The following DOCK1 variants were observed in gnomAD, a reference collection of about 807,000 sequenced individuals.
The protein encoded by DOCK1 is dedicator of cytokinesis protein 1.
Under a neutral mutation model 262.7 loss-of-function variants are expected in DOCK1, and 138 were observed. The ratio of observed to expected loss-of-function variants is 0.53; its 90% CI spans 0.46 to 0.61. The LOEUF (loss-of-function observed/expected upper bound fraction) is 0.61, where lower values mean the gene tolerates loss of function less well. Among genes scored for constraint, DOCK1 ranks in the 20% least tolerant of loss-of-function variants. The pLI is 0.00. For missense variants in DOCK1, 1,908 were observed against 2,370.7 expected, an observed-to-expected ratio of 0.80 and a Z score of 4.05; for synonymous variants, 866 against 867.4, an observed-to-expected ratio of 1.00 and a Z score of 0.03.
intron 38 of DOCK1, chr10:127,402,558 T>A: frequency 2.1e-6 from 1 of 472,740 alleles, no homozygotes; most frequent in East Asian, 7.0e-5. Context: ...AGCTTTAGTT[T>A]AGAGTCGAAG....
At chr10:127,293,259 T>C (rs2061404748) in intron 29 of DOCK1, among the ~76,000 whole-genome samples, 3 of 152,302 alleles carry the variant, frequency 2.0e-5, no homozygotes, top group Non-Finnish European at 4.4e-5. Context: ...GGCCTTTTCA[T>C]AGGGCATGGG....
At chr10:127,022,344 T>C (rs898767666) in intron 13 of DOCK1, among the ~76,000 whole-genome samples, 1 of 152,150 alleles carries the variant, frequency 6.6e-6, no homozygotes, top group African/African-American at 2.4e-5. Flanking sequence ...TATTTTATTT[T>C]ATTATTTTAA....
chr10:127,109,506 C>A (rs1057006061), intron 24 of DOCK1, among the ~76,000 whole-genome samples: 3 of 152,164 alleles, frequency 2.0e-5, no homozygotes, highest in Non-Finnish European at 2.9e-5. Context: ...ATTTTTATAA[C>A]CCCAGCAAGA....
At chr10:127,137,934 G>C (rs763035367) in intron 27 of DOCK1, 1 of 1,614,144 alleles carries the variant, frequency 6.2e-7, no homozygotes, top group Non-Finnish European at 8.5e-7. Context: ...GTAAGGCGAA[G>C]GTATGACCTG....
intron 27 of DOCK1, among the ~76,000 whole-genome samples, chr10:127,205,018 G>A (rs1031905364): frequency 2.0e-5 from 3 of 151,822 alleles, no homozygotes; most frequent in South Asian, 2.1e-4. Context: ...ATGCCCCTAA[G>A]TTCTAATAGA....
Position 127,280,510 on chromosome 10 carries a change from AT to A in DOCK1, c.3044+23083del, listed in dbSNP as rs1490201236. On this transcript the variant is annotated intron_variant, in intron 29 of 51. Transcript: ENST00000623213. ...CAGAGAGCTCTCAGGCACTTGCAAA[AT>A]TGAAGGCCAGAATGAAGGGAGCTCA... Among the ~76,000 whole-genome samples, 18 of 152,224 alleles carry A rather than the reference AT, an allele frequency of 1.2e-4. No homozygotes were observed. In the East Asian group the frequency reaches 1.7e-3, roughly 15 times the overall value.
At chr10:126,913,515 G>A (rs7075391) in intron 1 of DOCK1, among the ~76,000 whole-genome samples, 12,513 of 152,228 alleles carry the variant, frequency 0.082, 731 homozygotes, top group East Asian at 0.21. Context: ...GCCTTGGGCC[G>A]TCAGAAAAGC....
chr10:126,958,188 C>A (rs2036902349), intron 1 of DOCK1, among the ~76,000 whole-genome samples: 1 of 152,146 alleles, frequency 6.6e-6, no homozygotes, highest in African/African-American at 2.4e-5. Flanking sequence ...TTTTATTATA[C>A]CACTAACATA....
At chr10:127,092,429 G>T (rs975830490) in intron 23 of DOCK1, among the ~76,000 whole-genome samples, 5 of 152,242 alleles carry the variant, frequency 3.3e-5, no homozygotes, top group Non-Finnish European at 1.5e-5. Context: ...GAGAGTGAGG[G>T]TTGTGCCACA....
intron 32 of DOCK1, among the ~76,000 whole-genome samples, chr10:127,361,027 CTT>C (rs1257549625): frequency 6.7e-6 from 1 of 149,816 alleles, no homozygotes; most frequent in African/African-American, 2.5e-5. Context: ...ATTTGAAAAA[CTT>C]TTGAGAAACA....
At chr10:127,107,818 A>G (rs746543869) in intron 24 of DOCK1, among the ~76,000 whole-genome samples, 8 of 152,244 alleles carry the variant, frequency 5.3e-5, no homozygotes, top group Non-Finnish European at 7.3e-5. Flanking sequence ...GAAAGCTGCA[A>G]CTGGTGTGGG....
intron 16 of DOCK1, 58 bp downstream of exon 16, chr10:127,026,482 C>A: frequency 6.8e-7 from 1 of 1,468,402 alleles, no homozygotes; most frequent in East Asian, 2.5e-5. Context: ...TGGGGGAAAG[C>A]GCGAGAGGCC....
At chr10:127,422,698 C>T (rs1303847766) in intron 46 of DOCK1, among the ~76,000 whole-genome samples, 1 of 152,170 alleles carries the variant, frequency 6.6e-6, no homozygotes, top group Non-Finnish European at 1.5e-5. Flanking sequence ...AGACAGTCTC[C>T]CTCTGTAACT....
At chr10:127,125,043 G>A (rs1478302051) in intron 25 of DOCK1, among the ~76,000 whole-genome samples, 3 of 151,364 alleles carry the variant, frequency 2.0e-5, no homozygotes, top group Non-Finnish European at 1.5e-5. Context: ...CGTGAACCTG[G>A]GAGGCGGAGC....
intron 40 of DOCK1, among the ~76,000 whole-genome samples, chr10:127,406,546 A>G (rs2134350243): frequency 6.6e-6 from 1 of 152,322 alleles, no homozygotes. Flanking sequence ...GGCAGTTACC[A>G]AAACGTGGGC....
At chr10:127,208,301 C>A (rs950827280) in intron 27 of DOCK1, among the ~76,000 whole-genome samples, 1 of 152,150 alleles carries the variant, frequency 6.6e-6, no homozygotes, top group Non-Finnish European at 1.5e-5. Flanking sequence ...TCACCACGTT[C>A]CCCTGAGAGA....
intron 47 of DOCK1, among the ~76,000 whole-genome samples, chr10:127,432,602 A>T (rs1446900943): frequency 6.6e-6 from 1 of 152,196 alleles, no homozygotes; most frequent in African/African-American, 2.4e-5. Flanking sequence ...ATGTGGACAC[A>T]TGCTGTATTT....
intron 27 of DOCK1, among the ~76,000 whole-genome samples, chr10:127,148,990 G>A (rs1309605341): frequency 6.6e-6 from 1 of 152,152 alleles, no homozygotes; most frequent in African/African-American, 2.4e-5. Flanking sequence ...GGTTTCAGTG[G>A]TCTAGGAGGA....
At chr10:127,373,439 G>A (rs1247288542) in intron 33 of DOCK1, among the ~76,000 whole-genome samples, 1 of 152,112 alleles carries the variant, frequency 6.6e-6, no homozygotes, top group East Asian at 1.9e-4. Flanking sequence ...GATGTTACGT[G>A]TTTGTAGAGA....
Sources: allele counts gnomAD v4.1 joint callset (sites outside exome capture counted in the v4.1 genomes callset), GRCh38; gene constraint gnomAD v4.1.1; transcripts MANE v1.5; gene names NCBI Gene and HGNC (gene_info 2026-07-23, HGNC 2026-07-21).